FAM118B: variants seen among roughly 807,000 people sequenced by gnomAD.
The protein encoded by FAM118B is SIR2 antiphage like 1.
FAM118B carries 24 observed loss-of-function variants against 38.5 expected under a neutral mutation model. That is an observed-to-expected ratio of 0.62 (90% CI 0.45 to 0.88). The LOEUF is 0.88. Ranked by LOEUF, FAM118B falls within the 40% of genes least tolerant of loss-of-function variation. The probability of loss-of-function intolerance (pLI) is 0.00; values close to 1 mark genes in which losing one functional copy is unlikely to be tolerated. For synonymous variants in FAM118B, 138 were observed against 156.3 expected, an observed-to-expected ratio of 0.88 and a Z score of 0.87; for missense variants, 334 against 420.0, an observed-to-expected ratio of 0.80 and a Z score of 1.79.
At chr11:126,211,766 C>A (rs564631363), upstream of FAM118B, 5,128 of 1,075,674 alleles carry the variant, frequency 4.8e-3, 24 homozygotes, top group Non-Finnish European at 6.0e-3. Context: ...GGGGACGGTG[C>A]GCGCTCAGTG....
chr11:126,233,683 A>T (rs1950235545), intron 2 of FAM118B: 1 of 454,642 alleles, frequency 2.2e-6, no homozygotes, highest in South Asian at 1.6e-5. Flanking sequence ...TATGATTATG[A>T]TATAAAGAAG....
At position 126,256,058 on chromosome 11, in the gene FAM118B, G is replaced by A. The variant is rs1950573766; in HGVS notation, c.697-509G>A. Reference sequence around the variant, plus strand: ...GGCCAAGGTGGGTGGATCACTCGAGGTCGGGAGTACCAGACCAGCCTGGCC... The same window carrying A: ...GGCCAAGGTGGGTGGATCACTCGAGATCGGGAGTACCAGACCAGCCTGGCC... On this transcript the variant is annotated intron_variant, in intron 6 of 8. Transcript: ENST00000533050. This position sits in a 1 kb window ranked among gnomAD's most constrained non-coding sequence, Gnocchi z 6.6. Among the ~76,000 whole-genome samples, 1 of 152,206 alleles carries A rather than the reference G, an allele frequency of 6.6e-6. No individual in the cohort carries two copies. The highest frequency in any genetic ancestry group is 2.4e-5 in the African/African-American group (1 of 41,442).
At chr11:126,229,908 C>T (rs923601554) in intron 2 of FAM118B, among the ~76,000 whole-genome samples, 9 of 152,172 alleles carry the variant, frequency 5.9e-5, no homozygotes, top group Non-Finnish European at 1.0e-4. Flanking sequence ...TCATTGTTTG[C>T]TAGTAAAATG....
intron 1 of FAM118B, among the ~76,000 whole-genome samples, chr11:126,227,028 A>AAATTG (rs1313660826): frequency 6.6e-6 from 1 of 150,598 alleles, no homozygotes; most frequent in Non-Finnish European, 1.5e-5. Flanking sequence ...TGAAAGAGAG[A>AAATTG]AATTGAATGC....
intron 2 of FAM118B, among the ~76,000 whole-genome samples, chr11:126,233,886 C>T (rs940573023): frequency 1.5e-4 from 23 of 152,088 alleles, no homozygotes; most frequent in African/African-American, 5.1e-4. Context: ...AGTTAGAGAC[C>T]AGCTGGGCAA....
At position 126,256,449 on chromosome 11, in the gene FAM118B, C is replaced by A; in HGVS notation, c.697-118C>A. 1.2e-6 allele frequency: 1 copy of A among 829,412 alleles called. No homozygotes were observed. The highest frequency in any genetic ancestry group is 1.9e-6 in the Non-Finnish European group (1 of 533,048). The allele number at this position is 829,412 out of a possible 1,614,324, so 51.4% of individuals were successfully genotyped here. ...CACTCCTTGATGGGACATACCAACCCACTTAAGTCTTGCTTAATTGGTCAT... is the reference window on the plus strand; with the variant it reads ...CACTCCTTGATGGGACATACCAACCAACTTAAGTCTTGCTTAATTGGTCAT... On this transcript the variant is annotated intron_variant, in intron 6 of 8. Coordinates refer to ENST00000533050, the MANE Select transcript of FAM118B (RefSeq NM_024556.4). This position sits in a 1 kb window ranked among gnomAD's most constrained non-coding sequence, Gnocchi z 6.6.
intron 1 of FAM118B, among the ~76,000 whole-genome samples, chr11:126,227,194 C>G (rs1028595463): frequency 1.3e-5 from 2 of 151,092 alleles, no homozygotes; most frequent in Non-Finnish European, 2.9e-5. Context: ...TCTCGAATAG[C>G]TGGGACTACA....
intron 1 of FAM118B, among the ~76,000 whole-genome samples, chr11:126,224,360 T>C (rs1366814104): frequency 1.3e-5 from 2 of 151,002 alleles, no homozygotes; most frequent in Non-Finnish European, 2.9e-5. Flanking sequence ...GTAGCACCTG[T>C]AGCACTAGGA....
chr11:126,248,154 T>G (rs1950443000), intron 4 of FAM118B, among the ~76,000 whole-genome samples: 2 of 149,202 alleles, frequency 1.3e-5, no homozygotes, highest in African/African-American at 2.4e-5. Context: ...TCAAGAAAAA[T>G]AAAAATAAAT....
chr11:126,211,725 TG>T, upstream of FAM118B: 2 of 1,450,888 alleles, frequency 1.4e-6, no homozygotes, highest in Non-Finnish European at 1.9e-6. Flanking sequence ...GCAGGTCACG[TG>T]GTGCGGGGTG....
chr11:126,259,597 T>C (rs933044625), intron 7 of FAM118B, among the ~76,000 whole-genome samples: 14 of 150,960 alleles, frequency 9.3e-5, no homozygotes, highest in Non-Finnish European at 1.5e-4. Flanking sequence ...GGCTAATTTT[T>C]TGTATTTTTA....
chr11:126,228,807 C>T (rs926231847), intron 1 of FAM118B, among the ~76,000 whole-genome samples: 1 of 152,174 alleles, frequency 6.6e-6, no homozygotes, highest in African/African-American at 2.4e-5. Context: ...GATCCACCCG[C>T]CTTGGCCCCC....
intron 4 of FAM118B, among the ~76,000 whole-genome samples, chr11:126,248,073 G>C (rs1019325974): frequency 4.7e-5 from 7 of 150,536 alleles, no homozygotes; most frequent in Non-Finnish European, 7.4e-5. Flanking sequence ...CTGAACCAGA[G>C]AGGCAGAGGT....
chr11:126,227,798 ATT>A (rs377700415), intron 1 of FAM118B, among the ~76,000 whole-genome samples: 1 of 152,108 alleles, frequency 6.6e-6, no homozygotes, highest in East Asian at 1.9e-4. Context: ...AATTTTCAAA[ATT>A]TGTTATTTAT....
At chr11:126,233,583 C>G (rs1950234357) in intron 2 of FAM118B, 1 of 369,962 alleles carries the variant, frequency 2.7e-6, no homozygotes, top group African/African-American at 2.1e-5. Flanking sequence ...TCCTGAGCCC[C>G]AGCTTTCTCA....
chr11:126,214,488 C>CTTTTTTTTTTTTTT (rs1565322268), intron 1 of FAM118B: 2 of 34,854 alleles, frequency 5.7e-5, no homozygotes, highest in African/African-American at 9.6e-5. Flanking sequence ...TCTTTTGTTT[C>CTTTTTTTTTTTTTT]TGTTTTTTTT....
At chr11:126,214,490 GTTTTTTTTT>G (rs1340216655) in intron 1 of FAM118B, 4 of 25,814 alleles carry the variant, frequency 1.5e-4, no homozygotes, top group East Asian at 1.4e-3. Context: ...TTTTGTTTCT[GTTTTTTTTT>G]TTTGTTTTTT....
chr11:126,215,773 GC>G, intron 1 of FAM118B, among the ~76,000 whole-genome samples: 1 of 152,106 alleles, frequency 6.6e-6, no homozygotes, highest in Middle Eastern at 3.4e-3. Flanking sequence ...ACTTTGGGAG[GC>G]CTAGCGGGGA....
intron 2 of FAM118B, among the ~76,000 whole-genome samples, chr11:126,230,343 G>A (rs879711335): frequency 4.6e-5 from 7 of 152,162 alleles, no homozygotes; most frequent in Admixed American, 4.6e-4. Flanking sequence ...TCCCAAATCC[G>A]ATAGTTGCTA....
Sources: gnomAD v4.1 joint callset for allele counts (sites outside exome capture counted in the v4.1 genomes callset) on GRCh38, gnomAD v4.1.1 for gene constraint, Gnocchi (gnomAD v3.1) non-coding constraint, MANE v1.5 for transcripts, NCBI Gene and HGNC (gene_info 2026-07-23, HGNC 2026-07-21) for gene names.